Variants in C6orf132 observed in about 807,000 individuals in gnomAD.
The protein encoded by C6orf132 is chromosome 6 open reading frame 132.
A neutral mutation model predicts 65.3 loss-of-function variants in C6orf132; 43 were observed. The ratio of observed to expected loss-of-function variants is 0.66; its 90% CI spans 0.52 to 0.85. C6orf132 has a LOEUF of 0.85. Ranked by LOEUF, C6orf132 falls within the 40% of genes least tolerant of loss-of-function variation. The probability of loss-of-function intolerance (pLI) is 0.00; values close to 1 mark genes in which losing one functional copy is unlikely to be tolerated. For missense variants in C6orf132, 1,488 were observed against 1,548.8 expected (o/e 0.96, Z 0.66); for synonymous variants, 631 against 654.1 (o/e 0.96, Z 0.54).
chr6:42,106,903 G>C lies in C6orf132; in HGVS notation c.1009C>G (p.Arg337Gly). ...TGGAAGCTGGGAGGCAGTGGGAGTC[G>C]GCTGGGAGCCTTCTTGGTGGCCCCC... ...EEGATKKAPSRLPLPPSFHIR... is the reference protein window; with the variant it reads ...EEGATKKAPSGLPLPPSFHIR... Residue 337 changes from arginine (R) to glycine (G), a missense_variant, in exon 4 of 5, where the codon CGA (arginine) becomes GGA (glycine). Coordinates refer to ENST00000341865, the MANE Select transcript of C6orf132 (RefSeq NM_001164446.3). 6.5e-7 allele frequency: 1 copy of C among 1,535,998 alleles called. No homozygotes were observed. The highest frequency in any genetic ancestry group is 8.7e-7 in the Non-Finnish European group (1 of 1,146,332).
At position 42,105,092 on chromosome 6, in the gene C6orf132, G is replaced by A. The variant is rs1231640595; in HGVS notation, c.2820C>T (p.Pro940=). ...SRRHNWTKPE[P]QAPVAWERVA... ...CTCTTTCCCAGGCCACAGGGGCCTG[G>A]GGCTCTGGCTTTGTCCAGTTGTGCC... Residue 940 remains proline (P), a synonymous_variant, in exon 4 of 5, where the codon CCC becomes CCT. Transcript: ENST00000341865. 3 of 1,536,992 alleles carry A rather than the reference G, an allele frequency of 2.0e-6. No homozygotes were observed. Among genetic ancestry groups the A allele is most frequent in the Non-Finnish European group, 2.6e-6 (3 of 1,146,868 alleles).
chr6:42,115,023 G>A (rs557097089), intron 2 of C6orf132, among the ~76,000 whole-genome samples: 40 of 143,452 alleles, frequency 2.8e-4, no homozygotes, highest in African/African-American at 9.9e-4. Context: ...AAAAAAAGCC[G>A]GGCATGGTGG....
At chr6:42,121,621 G>A (rs928792836) in intron 2 of C6orf132, among the ~76,000 whole-genome samples, 2 of 152,236 alleles carry the variant, frequency 1.3e-5, no homozygotes, top group African/African-American at 4.8e-5. Flanking sequence ...ACCAGGGGCT[G>A]GGCCAGTGGG....
At chr6:42,118,892 T>TA (rs1766630962) in intron 2 of C6orf132, among the ~76,000 whole-genome samples, 1 of 132,310 alleles carries the variant, frequency 7.6e-6, no homozygotes, top group Non-Finnish European at 1.6e-5. Flanking sequence ...TTTTTTTTTT[T>TA]AGAGATAGGA....
At chr6:42,135,647 C>A (rs1041999003) in intron 1 of C6orf132, among the ~76,000 whole-genome samples, 4 of 152,220 alleles carry the variant, frequency 2.6e-5, no homozygotes, top group Non-Finnish European at 5.9e-5. Context: ...TTATTTAGTT[C>A]TTTCCCCACA....
At chr6:42,123,322 G>A (rs1766715068) in intron 2 of C6orf132, among the ~76,000 whole-genome samples, 2 of 151,862 alleles carry the variant, frequency 1.3e-5, no homozygotes, top group Non-Finnish European at 2.9e-5. Flanking sequence ...GGCGGAGCCT[G>A]CAGTGAGCCG....
intron 2 of C6orf132, among the ~76,000 whole-genome samples, chr6:42,123,433 G>GAGAAGGAGAAGGAGA (rs1766717687): frequency 1.4e-5 from 1 of 71,210 alleles, no homozygotes; most frequent in Non-Finnish European, 3.0e-5. Context: ...AAAGGAGAAG[G>GAGAAGGAGAAGGAGA]AGAAGGAGAA....
Position 42,106,287 on chromosome 6 carries a change from G to A in C6orf132, c.1625C>T (p.Ala542Val). The change falls in exon 4 of 5, where the codon GCT becomes GTT. Residue 542 changes from alanine to valine, a missense_variant. By Grantham distance (64) the Ala-to-Val change is moderately conservative (BLOSUM62 0). Transcript: ENST00000341865. ...LGGSSLTETEAAPSLTLPSVD... is the reference protein window; with the variant it reads ...LGGSSLTETEVAPSLTLPSVD... ...AGAGGGCAGGGTCAGGCTGGGGGCA[G>A]CCTCTGTCTCTGTCAGGCTGCTGCC... 6.5e-7 allele frequency: 1 copy of A among 1,536,816 alleles called. No homozygotes were observed. The highest frequency in any genetic ancestry group is 1.4e-5 in the African/African-American group (1 of 73,148).
intron 2 of C6orf132, among the ~76,000 whole-genome samples, chr6:42,128,438 A>C (rs896109950): frequency 6.6e-6 from 1 of 152,038 alleles, no homozygotes; most frequent in African/African-American, 2.4e-5. Context: ...CCTGCACACA[A>C]GTTCTCCATA....
chr6:42,118,785 CA>C (rs1445547043), intron 2 of C6orf132, among the ~76,000 whole-genome samples: 1 of 152,078 alleles, frequency 6.6e-6, no homozygotes, highest in Non-Finnish European at 1.5e-5. Context: ...AGACAACACC[CA>C]GAAGCTAAGA....
intron 1 of C6orf132, among the ~76,000 whole-genome samples, chr6:42,134,091 G>A (rs1001593187): frequency 2.0e-5 from 3 of 152,120 alleles, no homozygotes; most frequent in African/African-American, 4.8e-5. Flanking sequence ...GACCATGGCT[G>A]AGGTTCTGCC....
Position 42,103,727 on chromosome 6 carries a change from A to T in C6orf132, c.*34T>A. 7.9e-7 allele frequency: 1 copy of T among 1,267,064 alleles called. No homozygotes were observed. The highest frequency in any genetic ancestry group is 1.0e-6 in the Non-Finnish European group (1 of 982,320). 78.5% of individuals were successfully genotyped at this position (1,267,064 alleles called of 1,614,324 possible). A position where few individuals can be genotyped will look rare whatever the true frequency, so the allele number is the denominator to read the frequency against. The stretch of plus-strand genomic sequence containing the variant: ...CAAGTGCCCAGATCCTTAAAGACAC[A>T]GTTTGTTGGAGTAGAGCTAAGAGAA... On this transcript the variant is annotated 3_prime_UTR_variant, in exon 5 of 5. Transcript: ENST00000341865.
chr6:42,142,217 G>A (rs2127481350), intron 1 of C6orf132, 83 bp downstream of exon 1: 4 of 1,436,656 alleles, frequency 2.8e-6, no homozygotes, highest in African/African-American at 1.4e-5. Flanking sequence ...CCTCCCCTCC[G>A]CGCCTCCAGG....
At chr6:42,138,078 A>T (rs1452660203) in intron 1 of C6orf132, among the ~76,000 whole-genome samples, 2 of 152,124 alleles carry the variant, frequency 1.3e-5, no homozygotes, top group Admixed American at 6.5e-5. Flanking sequence ...CAGAGCCCAG[A>T]CCCTAGCCCA....
Position 42,107,216 on chromosome 6 carries a change from T to C in C6orf132, c.696A>G (p.Pro232=). Residue 232 remains proline, a synonymous_variant, in exon 4 of 5, where the codon CCA becomes CCG. Coordinates refer to ENST00000341865, the MANE Select transcript of C6orf132 (RefSeq NM_001164446.3). ...AFLAPPPPPV[P]APAPPAPASP... Reference sequence around the variant, plus strand: ...ATGCTGGAGCTGGGGGTGCTGGGGCTGGCACAGGAGGCGGTGGGGGGGCTA... The same window carrying C: ...ATGCTGGAGCTGGGGGTGCTGGGGCCGGCACAGGAGGCGGTGGGGGGGCTA... The C allele has an allele frequency of 2.1e-6, 2 of 965,976 alleles. No individual in the cohort carries two copies. The highest frequency in any genetic ancestry group is 2.4e-6 in the Non-Finnish European group (2 of 829,454). The allele number at this position is 965,976 out of a possible 1,614,324, so 59.8% of individuals were successfully genotyped here. A position where few individuals can be genotyped will look rare whatever the true frequency, so the allele number is the denominator to read the frequency against.
chr6:42,103,813 C>A lies in C6orf132; in HGVS notation c.3515G>T (p.Arg1172Leu). Reference sequence around the variant, plus strand: ...TGAGCAGACATAGGAGATGGGATGGCGGGTCCCAGGCCTCACGGTGAACGT... The same window carrying A: ...TGAGCAGACATAGGAGATGGGATGGAGGGTCCCAGGCCTCACGGTGAACGT... Reference protein sequence around the residue: ...INTFTVRPGTRHPISYVCSGA... With the variant: ...INTFTVRPGTLHPISYVCSGA... Residue 1172 changes from arginine to leucine, a missense_variant, in exon 5 of 5, where the codon CGC (arginine) becomes CTC (leucine). Physicochemically the swap from Arg to Leu is moderately radical, Grantham distance 102. Transcript: ENST00000341865. The A allele has an allele frequency of 6.7e-7, 1 of 1,490,888 alleles. No homozygotes were observed. Among genetic ancestry groups the A allele is most frequent in the Non-Finnish European group, 8.9e-7 (1 of 1,122,742 alleles). 92.4% of individuals were successfully genotyped at this position (1,490,888 alleles called of 1,614,324 possible). A position where few individuals can be genotyped will look rare whatever the true frequency, so the allele number is the denominator to read the frequency against.
rs934790582 is a variant in C6orf132, at chr6:42,107,113, T to C, written c.799A>G (p.Arg267Gly). ...CTGGCTCTGGTGGCCTCTGCCTGCC[T>C]GCCATTCAGTGCTACATCTGATTTC... Reference protein sequence around the residue: ...KWKSDVALNGRQAEATRASPP... With the variant: ...KWKSDVALNGGQAEATRASPP... The change falls in exon 4 of 5, where the codon AGG (arginine) becomes GGG (glycine). Residue 267 changes from arginine to glycine, a missense_variant. Transcript: ENST00000341865. 5.5e-6 allele frequency: 8 copies of C among 1,452,142 alleles called. No individual in the cohort carries two copies. The highest frequency in any genetic ancestry group is 1.4e-5 in the African/African-American group (1 of 69,326). The allele number at this position is 1,452,142 out of a possible 1,614,324, so 90.0% of individuals were successfully genotyped here.
At chr6:42,126,067 T>C (rs74440372) in intron 2 of C6orf132, among the ~76,000 whole-genome samples, 11,483 of 152,118 alleles carry the variant, frequency 0.075, 588 homozygotes, top group Middle Eastern at 0.18. Context: ...TAGAGAAGTA[T>C]TTCTGTTTTG....
chr6:42,113,671 C>T (rs141770762), intron 2 of C6orf132, among the ~76,000 whole-genome samples: 10 of 152,112 alleles, frequency 6.6e-5, no homozygotes, highest in Admixed American at 5.9e-4. Context: ...AAAAATTAGC[C>T]AGGCATGGTG....
Sources: gnomAD v4.1 joint callset for allele counts (sites outside exome capture counted in the v4.1 genomes callset) on GRCh38, gnomAD v4.1.1 for gene constraint, MANE v1.5 for transcripts, NCBI Gene and HGNC (gene_info 2026-07-23, HGNC 2026-07-21) for gene names.